GRIK1: variants seen among roughly 807,000 people sequenced by gnomAD.
GRIK1 encodes the protein glutamate ionotropic receptor kainate type subunit 1.
A neutral mutation model predicts 105.7 loss-of-function variants in GRIK1; 69 were observed. That is an observed-to-expected ratio of 0.65 (90% confidence interval 0.54 to 0.80). The LOEUF is 0.80. Among genes scored for constraint, GRIK1 ranks in the 30% least tolerant of loss-of-function variants. The pLI is 0.00. For synonymous variants in GRIK1, 438 were observed against 431.3 expected (o/e 1.02, Z -0.19); for missense variants, 1,109 against 1,167.3 (o/e 0.95, Z 0.73).
At chr21:29,844,585 A>T (rs577040409) in intron 1 of GRIK1, among the ~76,000 whole-genome samples, 1 of 152,370 alleles carries the variant, frequency 6.6e-6, no homozygotes, top group South Asian at 2.1e-4. Context: ...TAAGGAAAAT[A>T]TAACAAAAAC....
At chr21:29,848,544 A>G (rs1200134080) in intron 1 of GRIK1, among the ~76,000 whole-genome samples, 2 of 152,018 alleles carry the variant, frequency 1.3e-5, no homozygotes, top group Non-Finnish European at 2.9e-5. Flanking sequence ...CCTGCTTTCT[A>G]CTATCATGCT....
intron 1 of GRIK1, among the ~76,000 whole-genome samples, chr21:29,756,146 C>T (rs1367602454): frequency 6.6e-6 from 1 of 152,188 alleles, no homozygotes; most frequent in African/African-American, 2.4e-5. Context: ...CTTTGGGAGG[C>T]CGAGGCGGGC....
At chr21:29,797,941 A>G (rs2300322) in intron 1 of GRIK1, among the ~76,000 whole-genome samples, 3,684 of 152,278 alleles carry the variant, frequency 0.024, 112 homozygotes, top group East Asian at 0.1. Context: ...TTCAGTGATG[A>G]AAAACAAATA....
chr21:29,693,379 T>G (rs1464686756), intron 2 of GRIK1, among the ~76,000 whole-genome samples: 2 of 152,296 alleles, frequency 1.3e-5, no homozygotes, highest in East Asian at 3.9e-4. Flanking sequence ...GAGGATCGGA[T>G]GTAGACATTG....
intron 1 of GRIK1, among the ~76,000 whole-genome samples, chr21:29,832,339 A>G (rs745471228): frequency 6.6e-6 from 1 of 152,076 alleles, no homozygotes; most frequent in Non-Finnish European, 1.5e-5. Flanking sequence ...TCCACTAGGT[A>G]TTGCCCTGGT....
At chr21:29,745,879 G>C (rs1002871284) in intron 1 of GRIK1, among the ~76,000 whole-genome samples, 1 of 152,108 alleles carries the variant, frequency 6.6e-6, no homozygotes, top group African/African-American at 2.4e-5. Flanking sequence ...CAAGGCGGGG[G>C]GATCACGAGG....
At chr21:29,760,613 A>C (rs1198529820) in intron 1 of GRIK1, 1 of 152,244 alleles carries the variant, frequency 6.6e-6, no homozygotes, top group Non-Finnish European at 1.5e-5. Context: ...GTGGTATGCG[A>C]AGATGCCTCG....
At chr21:29,722,668 A>G (rs1321020181) in intron 1 of GRIK1, among the ~76,000 whole-genome samples, 4 of 152,060 alleles carry the variant, frequency 2.6e-5, no homozygotes, top group Admixed American at 6.5e-5. Context: ...GAAAGATTTG[A>G]AAAATGAAAA....
chr21:29,889,345 C>CT (rs1415289263), intron 1 of GRIK1, among the ~76,000 whole-genome samples: 1 of 152,046 alleles, frequency 6.6e-6, no homozygotes, highest in South Asian at 2.1e-4. Flanking sequence ...TCTCCGAGTT[C>CT]TTTTAAAAGA....
rs2063190769 is a variant in GRIK1 at position 29,673,074 on chromosome 21, G to A, written c.635C>T (p.Ala212Val). ...CTTCATCTCCTTGAGTAAAGGCTTGGCATCTTTATTCCCAGAGGGCAGCTG... is the reference window on the plus strand; with the variant it reads ...CTTCATCTCCTTGAGTAAAGGCTTGACATCTTTATTCCCAGAGGGCAGCTG... ...IRQLPSGNKD[A>V]KPLLKEMKKG... Residue 212 changes from alanine to valine, a missense_variant, in exon 4 of 18, where the codon GCC becomes GTC. Around this residue, in one of 5 missense-constraint regions of GRIK1, gnomAD observed 612 missense variants for 586.0 expected, o/e 1.04. Transcript: ENST00000327783. The A allele has an allele frequency of 1.9e-6, 3 of 1,610,384 alleles. No individual in the cohort carries two copies. The highest frequency in any genetic ancestry group is 2.5e-6 in the Non-Finnish European group (3 of 1,176,692).
chr21:29,572,120 G>A lies in GRIK1; in HGVS notation c.2130+4844C>T, dbSNP rs558001653. On this transcript the variant is annotated intron_variant, in intron 14 of 17. Transcript: ENST00000327783. ...GGACTGAGTCCTTGTGACTGTACCTGCTGTCACTCAGTGATTTAGGGCGGA... is the reference window on the plus strand; with the variant it reads ...GGACTGAGTCCTTGTGACTGTACCTACTGTCACTCAGTGATTTAGGGCGGA... 3.9e-5 allele frequency among the ~76,000 whole-genome samples: 6 copies of A among 152,244 alleles called. No homozygotes were observed. The East Asian group carries it at 9.7e-4, about 24-fold the overall frequency.
At chr21:29,890,833 G>A (rs1355664230) in intron 1 of GRIK1, among the ~76,000 whole-genome samples, 1 of 152,072 alleles carries the variant, frequency 6.6e-6, no homozygotes, top group Non-Finnish European at 1.5e-5. Flanking sequence ...GTTACACAAA[G>A]TGGCATGGAA....
chr21:29,833,414 A>G (rs2067696772), intron 1 of GRIK1, among the ~76,000 whole-genome samples: 1 of 152,184 alleles, frequency 6.6e-6, no homozygotes, highest in Non-Finnish European at 1.5e-5. Flanking sequence ...ATTGCTGTAA[A>G]GAACCATCTG....
At chr21:29,629,611 T>A (rs1482501453) in intron 7 of GRIK1, among the ~76,000 whole-genome samples, 1 of 151,846 alleles carries the variant, frequency 6.6e-6, no homozygotes, top group African/African-American at 2.4e-5. Flanking sequence ...TGCCTCAGCA[T>A]CCGGAGTAGC....
chr21:29,672,961 A>C, intron 4 of GRIK1, 22 bp downstream of exon 4: 1 of 1,556,238 alleles, frequency 6.4e-7, no homozygotes, highest in Non-Finnish European at 8.8e-7. Flanking sequence ...CCACACCTCC[A>C]CCTCCTCCCT....
chr21:29,546,507 G>C (rs2090053311), intron 16 of GRIK1, among the ~76,000 whole-genome samples: 1 of 152,118 alleles, frequency 6.6e-6, no homozygotes, highest in Non-Finnish European at 1.5e-5. Context: ...GTGTGAACTT[G>C]GCTCAGAGAT....
Position 29,673,055 on chromosome 21 carries a change from C to T in GRIK1, c.654G>A (p.Glu218=), listed in dbSNP as rs1037054116. 2.5e-6 allele frequency: 4 copies of T among 1,612,108 alleles called. No homozygotes were observed. The highest frequency in any genetic ancestry group is 3.4e-6 in the Non-Finnish European group (4 of 1,178,330). ...CATAGAACTCCTTGCCTTTCTTCAT[C>T]TCCTTGAGTAAAGGCTTGGCATCTT... The part of the protein sequence containing the change: ...GNKDAKPLLK[E]MKKGKEFYVI... Residue 218 remains glutamate, a synonymous_variant, in exon 4 of 18, where the codon GAG becomes GAA. Coordinates refer to ENST00000327783, the MANE Select transcript of GRIK1 (RefSeq NM_001330994.2).
intron 1 of GRIK1, among the ~76,000 whole-genome samples, chr21:29,745,826 G>A (rs1053270425): frequency 3.3e-5 from 5 of 152,148 alleles, no homozygotes; most frequent in African/African-American, 4.8e-5. Context: ...AAGAGAGTCC[G>A]GGCATGGTGG....
At chr21:29,735,614 C>T (rs989023541) in intron 1 of GRIK1, among the ~76,000 whole-genome samples, 10 of 151,872 alleles carry the variant, frequency 6.6e-5, no homozygotes, top group South Asian at 6.2e-4. Context: ...TTGAAAACAT[C>T]GGCTGGGCAC....
Sources: gnomAD v4.1 joint callset for allele counts (sites outside exome capture counted in the v4.1 genomes callset) on GRCh38, gnomAD v4.1.1 for gene constraint, gnomAD v4.1.1 regional missense constraint, MANE v1.5 for transcripts, NCBI Gene and HGNC (gene_info 2026-07-23, HGNC 2026-07-21) for gene names.